The following LIMS1 variants were observed in gnomAD, a reference collection of about 807,000 sequenced individuals.
LIMS1 encodes LIM zinc finger domain containing 1.
A neutral mutation model predicts 44.1 loss-of-function variants in LIMS1; 18 were observed. The ratio of observed to expected loss-of-function variants is 0.41; its 90% CI spans 0.28 to 0.61. The LOEUF (loss-of-function observed/expected upper bound fraction) is 0.61. LIMS1 is among the 20% of genes least tolerant of loss of function. The pLI is 0.32. For synonymous variants in LIMS1, 93 were observed against 149.1 expected (o/e 0.62, Z 2.74); for missense variants, 201 against 422.0 (o/e 0.48, Z 4.59).
intron 1 of LIMS1, among the ~76,000 whole-genome samples, chr2:108,640,571 C>G (rs1192615755): frequency 6.6e-6 from 1 of 152,120 alleles, no homozygotes; most frequent in Non-Finnish European, 1.5e-5. Flanking sequence ...CTGCCTGGGG[C>G]TCCTGAGTGG....
chr2:108,541,748 AATC>A (rs897751883), intron 1 of LIMS1, among the ~76,000 whole-genome samples: 7 of 152,190 alleles, frequency 4.6e-5, no homozygotes, highest in Non-Finnish European at 8.8e-5. Flanking sequence ...GGGCCTGGAA[AATC>A]ATCATCTTTT....
chr2:108,559,547 G>C (rs12472014), intron 1 of LIMS1, among the ~76,000 whole-genome samples: 1 of 152,098 alleles, frequency 6.6e-6, no homozygotes, highest in African/African-American at 2.4e-5. Flanking sequence ...GTTTATATTA[G>C]AAACTATAAT....
In LIMS1 at chr2:108,684,104, G is replaced by T. The variant is rs772980586; in HGVS notation, c.*105G>T. ...TATCTCAAAGCAGTTGAGAGAAGAG[G>T]ACCTATATGAATGGTTTTATGTCAT... On this transcript the variant is annotated 3_prime_UTR_variant, in exon 10 of 10. Coordinates refer to ENST00000544547, the Ensembl canonical transcript of LIMS1. 1.2e-5 allele frequency: 7 copies of T among 581,098 alleles called. No homozygotes were observed. The African/African-American group carries it at 1.4e-4, about 11-fold the overall frequency. 36.0% of individuals were successfully genotyped at this position (581,098 alleles called of 1,614,324 possible). A position where few individuals can be genotyped will look rare whatever the true frequency, so the allele number is the denominator to read the frequency against.
At chr2:108,601,155 A>G (rs1686995063) in intron 1 of LIMS1, among the ~76,000 whole-genome samples, 1 of 152,224 alleles carries the variant, frequency 6.6e-6, no homozygotes, top group African/African-American at 2.4e-5. Context: ...CTTTAAGGGT[A>G]AACAAGCTTT....
chr2:108,534,518 C>T (rs1042959726), exon 1 of LIMS1: 1 of 1,194,632 alleles, frequency 8.4e-7, no homozygotes, highest in Non-Finnish European at 1.0e-6. Flanking sequence ...GGAGCGGCGC[C>T]GGGAGACGAG....
chr2:108,629,305 C>G (rs931347128), intron 1 of LIMS1, among the ~76,000 whole-genome samples: 14 of 152,054 alleles, frequency 9.2e-5, no homozygotes, highest in African/African-American at 3.4e-4. Flanking sequence ...AGGATTGTTT[C>G]CAAAAAAGTT....
intron 1 of LIMS1, among the ~76,000 whole-genome samples, chr2:108,635,056 A>G (rs1355402655): frequency 6.6e-6 from 1 of 152,168 alleles, no homozygotes; most frequent in Non-Finnish European, 1.5e-5. Context: ...ATGGGGGTCT[A>G]CACTGGGGTG....
chr2:108,539,605 G>T (rs576121276), intron 1 of LIMS1, among the ~76,000 whole-genome samples: 1 of 152,182 alleles, frequency 6.6e-6, no homozygotes, highest in Non-Finnish European at 1.5e-5. Flanking sequence ...AAAGGATACC[G>T]ATGAAATTTT....
chr2:108,544,843 CT>C (rs1202906405), intron 1 of LIMS1, among the ~76,000 whole-genome samples: 2 of 152,104 alleles, frequency 1.3e-5, no homozygotes, highest in Non-Finnish European at 2.9e-5. Context: ...GAAGGCCAAT[CT>C]TTTTTCACTC....
At chr2:108,576,824 T>C (rs769501696) in intron 1 of LIMS1, among the ~76,000 whole-genome samples, 10 of 152,104 alleles carry the variant, frequency 6.6e-5, no homozygotes, top group Non-Finnish European at 1.3e-4. Context: ...GTCTCAGATT[T>C]ATCTTGATAC....
At chr2:108,645,460 A>T (rs1208343954) in intron 1 of LIMS1, among the ~76,000 whole-genome samples, 2 of 152,164 alleles carry the variant, frequency 1.3e-5, no homozygotes, top group Admixed American at 1.3e-4. Context: ...GTTTGTCACC[A>T]CCAGGCCTGC....
chr2:108,598,314 T>G (rs1338005676), intron 1 of LIMS1, among the ~76,000 whole-genome samples: 1 of 152,234 alleles, frequency 6.6e-6, no homozygotes, highest in Non-Finnish European at 1.5e-5. Context: ...TAAACGAATT[T>G]GTGTCACCTG....
At chr2:108,611,133 G>A (rs2148849178) in intron 1 of LIMS1, among the ~76,000 whole-genome samples, 1 of 152,310 alleles carries the variant, frequency 6.6e-6, no homozygotes, top group South Asian at 2.1e-4. Flanking sequence ...TTTAAAACCA[G>A]GCTGAGGCCA....
chr2:108,608,479 T>C (rs781378894), intron 1 of LIMS1, among the ~76,000 whole-genome samples: 15 of 152,114 alleles, frequency 9.9e-5, no homozygotes, highest in Non-Finnish European at 1.8e-4. Flanking sequence ...CTAATTTTTA[T>C]ATTTTTAATA....
intron 7 of LIMS1, 151 bp downstream of exon 7, chr2:108,676,849 A>G (rs1044936160): frequency 2.8e-5 from 21 of 741,138 alleles, no homozygotes; most frequent in Non-Finnish European, 4.2e-5. Flanking sequence ...CAGACTCAGA[A>G]GCTAACTATA....
intron 1 of LIMS1, among the ~76,000 whole-genome samples, chr2:108,613,153 A>G (rs533923295): frequency 1.3e-5 from 2 of 152,224 alleles, no homozygotes; most frequent in Non-Finnish European, 1.5e-5. Context: ...GGTTAATAAC[A>G]CATAATGTGC....
chr2:108,643,442 C>T (rs547359627), intron 1 of LIMS1, among the ~76,000 whole-genome samples: 2 of 152,286 alleles, frequency 1.3e-5, no homozygotes, highest in East Asian at 1.9e-4. Flanking sequence ...AGGGACTGTA[C>T]CATGCACCCC....
Position 108,594,970 on chromosome 2 carries a change from G to T in LIMS1, c.32+60376G>T, listed in dbSNP as rs572139907. On this transcript the variant is annotated intron_variant, in intron 1 of 9. Coordinates refer to ENST00000544547, the Ensembl canonical transcript of LIMS1. ...TTTGAAGTCATTGAGAGGAATTATGGTGGGGCAAGAAAGCAGCTTCACCTG... is the reference window on the plus strand; with the variant it reads ...TTTGAAGTCATTGAGAGGAATTATGTTGGGGCAAGAAAGCAGCTTCACCTG... Among the ~76,000 whole-genome samples, 5 of 152,264 alleles carry T rather than the reference G, an allele frequency of 3.3e-5. No homozygotes were observed. The South Asian group carries it at 1.0e-3, about 32-fold the overall frequency.
chr2:108,670,696 A>G, intron 2 of LIMS1, 85 bp from the exon 3 acceptor site: 1 of 1,392,156 alleles, frequency 7.2e-7, no homozygotes, highest in Non-Finnish European at 1.0e-6. Flanking sequence ...GTTTAGAAAC[A>G]TCTTTCCTGT....
Sources: gnomAD v4.1 joint callset for allele counts (sites outside exome capture counted in the v4.1 genomes callset) on GRCh38, gnomAD v4.1.1 for gene constraint, MANE v1.5 for transcripts, NCBI Gene and HGNC (gene_info 2026-07-23, HGNC 2026-07-21) for gene names.